Variants in OSBPL9 observed in about 807,000 individuals in gnomAD.
OSBPL9 encodes the protein oxysterol binding protein like 9.
A neutral mutation model predicts 106.6 loss-of-function variants in OSBPL9; 40 were observed. The ratio of observed to expected loss-of-function variants is 0.38; its 90% CI spans 0.29 to 0.49. OSBPL9 has a LOEUF of 0.49. OSBPL9 is among the 20% of genes least tolerant of loss of function. The pLI is 0.97. For missense variants in OSBPL9, 609 were observed against 887.2 expected, an observed-to-expected ratio of 0.69 and a Z score of 3.98; for synonymous variants, 269 against 295.4, an observed-to-expected ratio of 0.91 and a Z score of 0.92.
intron 15 of OSBPL9, among the ~76,000 whole-genome samples, chr1:51,780,450 A>G (rs1303288355): frequency 6.6e-6 from 1 of 152,262 alleles, no homozygotes; most frequent in Non-Finnish European, 1.5e-5. Context: ...TGCAATTGCA[A>G]AAATGGAACT....
At chr1:51,522,465 CA>C in the OSBPL9 span, among the ~76,000 whole-genome samples, 2 of 151,950 alleles carry the variant, frequency 1.3e-5, no homozygotes, top group Admixed American at 1.3e-4. Flanking sequence ...GCCAAATTCC[CA>C]AAAAAGGCCT....
intron 3 of OSBPL9, among the ~76,000 whole-genome samples, chr1:51,711,515 A>ATC (rs1659902927): frequency 3.3e-5 from 1 of 30,172 alleles, no homozygotes; most frequent in African/African-American, 1.5e-4. Flanking sequence ...CGGGGGGCTG[A>ATC]CCCCCCACCT....
intron 9 of OSBPL9, among the ~76,000 whole-genome samples, chr1:51,757,406 C>T (rs915257905): frequency 3.9e-5 from 6 of 151,908 alleles, no homozygotes; most frequent in Admixed American, 3.3e-4. Flanking sequence ...TTGTTAGCCT[C>T]ATAGGAAAGG....
chr1:51,755,649 T>C (rs1434053042), intron 8 of OSBPL9, among the ~76,000 whole-genome samples: 1 of 152,192 alleles, frequency 6.6e-6, no homozygotes, highest in Non-Finnish European at 1.5e-5. Flanking sequence ...TGTTGCGAGA[T>C]GGTTTTTGCC....
At chr1:51,648,549 A>C (rs1308487323) in intron 1 of OSBPL9, among the ~76,000 whole-genome samples, 2 of 152,164 alleles carry the variant, frequency 1.3e-5, no homozygotes, top group Non-Finnish European at 2.9e-5. Flanking sequence ...TGTCTGGTGA[A>C]AGCAGTCACA....
chr1:51,774,355 T>C (rs1216312823), intron 14 of OSBPL9, among the ~76,000 whole-genome samples: 1 of 152,222 alleles, frequency 6.6e-6, no homozygotes, highest in African/African-American at 2.4e-5. Context: ...TTTTACTGAA[T>C]GTGTTTAAAA....
At chr1:51,739,431 C>T (rs1422025389) in intron 4 of OSBPL9, among the ~76,000 whole-genome samples, 2 of 151,936 alleles carry the variant, frequency 1.3e-5, no homozygotes, top group Non-Finnish European at 2.9e-5. Flanking sequence ...GCTTACTTAG[C>T]ATTACAGAAA....
chr1:51,784,249 C>T lies in OSBPL9; in HGVS notation c.1625-15C>T. ...TGGCACTACTCATCAGAGATTCTGT[C>T]CCTTCTCTCCACAGGCTGTGTCTCA... is the stretch of plus-strand genomic sequence containing the variant. On this transcript the variant is annotated splice_polypyrimidine_tract_variant and intron_variant, in intron 18 of 23. Transcript: ENST00000428468. 1 of 1,611,722 alleles carries T rather than the reference C, an allele frequency of 6.2e-7. No homozygotes were observed. The highest frequency in any genetic ancestry group is 8.5e-7 in the Non-Finnish European group (1 of 1,177,880).
intron 1 of OSBPL9, among the ~76,000 whole-genome samples, chr1:51,582,195 TATA>T (rs1645224336): frequency 6.6e-6 from 1 of 152,200 alleles, no homozygotes; most frequent in Non-Finnish European, 1.5e-5. Context: ...TACCTGGAAT[TATA>T]ATTGTTAACT....
chr1:51,530,170 C>CAAAAAAAAAAAAAAAAAAAAAAAAAAAA, the OSBPL9 span, among the ~76,000 whole-genome samples: 7 of 11,032 alleles, frequency 6.3e-4, no homozygotes, highest in Admixed American at 1.3e-3. Flanking sequence ...GACTCTGTCT[C>CAAAAAAAAAAAAAAAAAAAAAAAAAAAA]AAAAAAAAAA....
intron 2 of OSBPL9, among the ~76,000 whole-genome samples, chr1:51,656,853 G>A (rs1367184709): frequency 6.6e-6 from 1 of 150,710 alleles, no homozygotes; most frequent in Non-Finnish European, 1.5e-5. Context: ...TTTTAGAGAC[G>A]AGGTCTCACT....
At chr1:51,772,932 A>G (rs1309089817) in intron 14 of OSBPL9, among the ~76,000 whole-genome samples, 5 of 152,216 alleles carry the variant, frequency 3.3e-5, no homozygotes, top group African/African-American at 1.2e-4. Flanking sequence ...AACAGTGTGT[A>G]TGAGTTGTAT....
intron 1 of OSBPL9, among the ~76,000 whole-genome samples, chr1:51,594,685 A>C (rs916256461): frequency 6.6e-6 from 1 of 152,210 alleles, no homozygotes. Context: ...CAGACTTAGT[A>C]AGCTACCTGC....
chr1:51,775,562 A>G lies in OSBPL9; in HGVS notation c.1171-1271A>G, dbSNP rs1051716783. Among the ~76,000 whole-genome samples the G allele has an allele frequency of 3.3e-5, 5 of 152,102 alleles. No homozygotes were observed. In the South Asian group the frequency reaches 6.2e-4, roughly 19 times the overall value. ...CACCTACAATTTAAATGCTCTTGTT[A>G]TTCTCTCATACTTACCTTTGTCTCC... On this transcript the variant is annotated intron_variant, in intron 14 of 23. Transcript: ENST00000428468.
chr1:51,718,662 G>T (rs988757467), intron 4 of OSBPL9, among the ~76,000 whole-genome samples: 1 of 152,088 alleles, frequency 6.6e-6, no homozygotes, highest in Non-Finnish European at 1.5e-5. Flanking sequence ...CACAATTTTT[G>T]TCTGACTTTA....
intron 1 of OSBPL9, chr1:51,577,368 G>A (rs1425916366): frequency 6.9e-6 from 1 of 144,008 alleles, no homozygotes; most frequent in East Asian, 2.0e-4. Flanking sequence ...GGCCCAGGCT[G>A]GAATGCAGTG....
At chr1:51,564,052 C>CAAAAAAAA in the OSBPL9 span, among the ~76,000 whole-genome samples, 30 of 27,354 alleles carry the variant, frequency 1.1e-3, 4 homozygotes, top group South Asian at 6.6e-3. Context: ...GAGATCATCT[C>CAAAAAAAA]AAAAAAAAAA....
In OSBPL9 at chr1:51,686,509, T is replaced by A. The variant is rs1276510075; in HGVS notation, c.241+16997T>A. On this transcript the variant is annotated intron_variant, in intron 3 of 23. Coordinates refer to ENST00000428468, the MANE Select transcript of OSBPL9 (RefSeq NM_024586.6). ...AGCATAGCATCCTTCCTACACTGAC[T>A]GTATTAGCAATGTTTTCATGCTGTC... is the stretch of plus-strand genomic sequence containing the variant. 3.3e-5 allele frequency among the ~76,000 whole-genome samples: 5 copies of A among 152,254 alleles called. No homozygotes were observed. In the East Asian group the frequency reaches 9.6e-4, roughly 29 times the overall value.
intron 1 of OSBPL9, among the ~76,000 whole-genome samples, chr1:51,629,280 G>A (rs764961665): frequency 2.6e-5 from 4 of 152,112 alleles, no homozygotes; most frequent in African/African-American, 9.7e-5. Flanking sequence ...TGTCTTGTAT[G>A]AATAGAATGT....
Sources: allele counts gnomAD v4.1 joint callset (sites outside exome capture counted in the v4.1 genomes callset), GRCh38; gene constraint gnomAD v4.1.1; transcripts MANE v1.5; gene names NCBI Gene and HGNC (gene_info 2026-07-23, HGNC 2026-07-21).